The following PLCXD3 variants were observed in gnomAD, a reference collection of about 807,000 sequenced individuals.
PLCXD3 encodes the protein PI-PLC X domain-containing protein 3.
Under a neutral mutation model 25.5 loss-of-function variants are expected in PLCXD3, and 19 were observed. The observed-to-expected ratio is 0.75, with a 90% CI of 0.52 to 1.09. The LOEUF is 1.09. Ranked by LOEUF, PLCXD3 falls within the 50% of genes least tolerant of loss-of-function variation. The pLI, the probability that PLCXD3 is intolerant of heterozygous loss-of-function variation, is 0.00. For synonymous variants in PLCXD3, 174 were observed against 137.6 expected (o/e 1.26, Z -1.85); for missense variants, 411 against 388.1 (o/e 1.06, Z -0.50).
chr5:41,340,056 T>G (rs1331162031), intron 2 of PLCXD3, among the ~76,000 whole-genome samples: 1 of 152,156 alleles, frequency 6.6e-6, no homozygotes, highest in Non-Finnish European at 1.5e-5. Flanking sequence ...GGAATCTCAG[T>G]TAACCTCTAA....
intron 1 of PLCXD3, among the ~76,000 whole-genome samples, chr5:41,384,652 C>T (rs1745580393): frequency 6.6e-6 from 1 of 151,818 alleles, no homozygotes; most frequent in Non-Finnish European, 1.5e-5. Context: ...TTTAGTTTCA[C>T]CTTTCTATCA....
intron 1 of PLCXD3, among the ~76,000 whole-genome samples, chr5:41,412,815 T>C (rs1746599345): frequency 6.6e-6 from 1 of 152,210 alleles, no homozygotes; most frequent in Non-Finnish European, 1.5e-5. Flanking sequence ...ATTTAGAGTA[T>C]ACACAGACAC....
At position 41,308,494 on chromosome 5, in the gene PLCXD3, T is replaced by G. The variant is rs1310349476; in HGVS notation, c.*5123A>C. The stretch of plus-strand genomic sequence containing the variant: ...TCCAAGCCCAAAGAAGGTCACAGAA[T>G]TTTTGCTTCAAGCATGACCACATGT... On this transcript the variant is annotated 3_prime_UTR_variant, in exon 3 of 3. Coordinates refer to ENST00000377801, the MANE Select transcript of PLCXD3 (RefSeq NM_001005473.3). 1 of 152,122 alleles carries G rather than the reference T, an allele frequency of 6.6e-6. No individual in the cohort carries two copies. The highest frequency in any genetic ancestry group is 1.9e-4 in the East Asian group (1 of 5,194). 9.4% of individuals were successfully genotyped at this position (152,122 alleles called of 1,614,324 possible). A position where few individuals can be genotyped will look rare whatever the true frequency, so the allele number is the denominator to read the frequency against.
chr5:41,382,510 T>A lies in PLCXD3; in HGVS notation c.128A>T (p.Tyr43Phe), dbSNP rs1279829569. The A allele has an allele frequency of 1.2e-6, 2 of 1,600,912 alleles. No individual in the cohort carries two copies. The highest frequency in any genetic ancestry group is 1.7e-5 in the Admixed American group (1 of 59,408). ...ACCTACTGGAGAGGCTTCATCAATG[T>A]AGAAGCTGAAGGAATCATGAGACCC... The part of the protein sequence containing the change: ...IPGSHDSFSF[Y>F]IDEASPVGPE... Residue 43 changes from tyrosine (Y) to phenylalanine (F), a missense_variant, in exon 2 of 3, where the codon TAC (tyrosine) becomes TTC (phenylalanine). By Grantham distance (22) the Tyr-to-Phe change is conservative. Coordinates refer to ENST00000377801, the MANE Select transcript of PLCXD3 (RefSeq NM_001005473.3).
chr5:41,469,863 C>T (rs1235708971), intron 1 of PLCXD3, among the ~76,000 whole-genome samples: 1 of 152,158 alleles, frequency 6.6e-6, no homozygotes, highest in East Asian at 1.9e-4. Context: ...CATATTCTTT[C>T]ACCCAAATTA....
rs553732618 is a variant in PLCXD3 at position 41,397,118 on chromosome 5, C to A, written c.104-14584G>T. Among the ~76,000 whole-genome samples the A allele has an allele frequency of 9.5e-4, 144 of 152,306 alleles. 1 individual carries two copies. In the South Asian group the frequency reaches 0.029, roughly 31 times the overall value. Reference sequence around the variant, plus strand: ...GCTGCAGAAATTTGCATAAGAAGAGCCAAATGCTAATAGCCAAGGCAATGG... The same window carrying A: ...GCTGCAGAAATTTGCATAAGAAGAGACAAATGCTAATAGCCAAGGCAATGG... On this transcript the variant is annotated intron_variant, in intron 1 of 2. Transcript: ENST00000377801.
intron 1 of PLCXD3, 29 bp downstream of exon 1, chr5:41,510,395 C>G (rs1180852072): frequency 5.1e-6 from 8 of 1,570,708 alleles, no homozygotes; most frequent in Non-Finnish European, 6.9e-6. Context: ...GGGCGCCGAG[C>G]GCCTAGCCCG....
Position 41,479,091 on chromosome 5 carries a change from T to C in PLCXD3, c.103+31333A>G, listed in dbSNP as rs575914575. Among the ~76,000 whole-genome samples, 12 of 152,296 alleles carry C rather than the reference T, an allele frequency of 7.9e-5. No individual in the cohort carries two copies. In the East Asian group the frequency reaches 2.1e-3, roughly 27 times the overall value. Reference sequence around the variant, plus strand: ...GCCAAATCATATCACCAAATGTTCATTGACAGAAGAATGGGTAAACAAAAT... The same window carrying C: ...GCCAAATCATATCACCAAATGTTCACTGACAGAAGAATGGGTAAACAAAAT... On this transcript the variant is annotated intron_variant, in intron 1 of 2. Coordinates refer to ENST00000377801, the MANE Select transcript of PLCXD3 (RefSeq NM_001005473.3).
chr5:41,482,636 C>T (rs1748437713), intron 1 of PLCXD3, among the ~76,000 whole-genome samples: 2 of 152,130 alleles, frequency 1.3e-5, no homozygotes, highest in Non-Finnish European at 2.9e-5. Flanking sequence ...TAGCTGGAAG[C>T]AAAGTTAAAG....
At chr5:41,394,339 A>T (rs1473158751) in intron 1 of PLCXD3, among the ~76,000 whole-genome samples, 1 of 152,176 alleles carries the variant, frequency 6.6e-6, no homozygotes, top group Admixed American at 6.5e-5. Flanking sequence ...AAGCAAGATA[A>T]ACTAAAACAT....
chr5:41,344,448 T>C (rs1744246922), intron 2 of PLCXD3, among the ~76,000 whole-genome samples: 1 of 152,118 alleles, frequency 6.6e-6, no homozygotes, highest in African/African-American at 2.4e-5. Flanking sequence ...TAAAGAAATA[T>C]TTGAATCTAG....
rs562295682 is a variant in PLCXD3 at position 41,476,458 on chromosome 5, GCCTC to G, written c.103+33962_103+33965del. Among the ~76,000 whole-genome samples the G allele has an allele frequency of 1.2e-4, 19 of 152,284 alleles. No homozygotes were observed. In the East Asian group the frequency reaches 3.5e-3, roughly 28 times the overall value. ...ATTTGATACATGCCAGGTAGAGTAT[GCCTC>G]CCTCATCAGTCCCTAATAAAAACTG... On this transcript the variant is annotated intron_variant, in intron 1 of 2. Transcript: ENST00000377801.
intron 2 of PLCXD3, among the ~76,000 whole-genome samples, chr5:41,359,043 C>T (rs190637533): frequency 6.6e-6 from 1 of 151,988 alleles, no homozygotes; most frequent in Non-Finnish European, 1.5e-5. Flanking sequence ...TATGTTAAAC[C>T]ATCCCTGCAT....
chr5:41,452,864 T>A (rs373867767), intron 1 of PLCXD3, among the ~76,000 whole-genome samples: 2 of 152,050 alleles, frequency 1.3e-5, no homozygotes, highest in South Asian at 4.1e-4. Context: ...TTCTTTCTTG[T>A]TTTTCTTCGT....
intron 2 of PLCXD3, among the ~76,000 whole-genome samples, chr5:41,375,813 C>G (rs1044842032): frequency 8.5e-5 from 13 of 152,066 alleles, no homozygotes; most frequent in African/African-American, 2.9e-4. Context: ...TTAATTTTAC[C>G]TAATCTGCAA....
At chr5:41,337,486 A>G (rs1237798983) in intron 2 of PLCXD3, among the ~76,000 whole-genome samples, 1 of 152,176 alleles carries the variant, frequency 6.6e-6, no homozygotes, top group Non-Finnish European at 1.5e-5. Flanking sequence ...CCTTTCCAAG[A>G]TAAGAGTGAT....
chr5:41,363,170 G>T (rs1373844570), intron 2 of PLCXD3, among the ~76,000 whole-genome samples: 1 of 152,048 alleles, frequency 6.6e-6, no homozygotes, highest in Non-Finnish European at 1.5e-5. Flanking sequence ...TGAAAAACCA[G>T]GTAAATAACT....
intron 2 of PLCXD3, among the ~76,000 whole-genome samples, chr5:41,332,838 G>A (rs1446204116): frequency 3.3e-5 from 5 of 152,088 alleles, no homozygotes; most frequent in Middle Eastern, 3.4e-3. Context: ...GTAAACTATC[G>A]CAAGAACAAA....
chr5:41,420,948 G>T (rs935088704), intron 1 of PLCXD3, among the ~76,000 whole-genome samples: 12 of 152,018 alleles, frequency 7.9e-5, no homozygotes, highest in African/African-American at 2.4e-4. Flanking sequence ...AATACTCAGG[G>T]ATACTTTTCC....
Sources: allele counts gnomAD v4.1 joint callset (sites outside exome capture counted in the v4.1 genomes callset), GRCh38; gene constraint gnomAD v4.1.1; transcripts MANE v1.5; gene names NCBI Gene and HGNC (gene_info 2026-07-23, HGNC 2026-07-21).